The following ZNF652 variants were observed in gnomAD, a reference collection of about 807,000 sequenced individuals.
The protein encoded by ZNF652 is zinc finger protein 652.
A neutral mutation model predicts 45.2 loss-of-function variants in ZNF652; 16 were observed. The ratio of observed to expected loss-of-function variants is 0.35; its 90% CI spans 0.24 to 0.54. The LOEUF is 0.54. ZNF652 is among the 20% of genes least tolerant of loss of function. ZNF652 has a pLI of 0.91. For synonymous variants in ZNF652, 250 were observed against 260.6 expected (o/e 0.96, Z 0.39); for missense variants, 614 against 765.6 (o/e 0.80, Z 2.34).
At chr17:49,319,713 C>T (rs1374506692) in intron 1 of ZNF652, among the ~76,000 whole-genome samples, 11 of 149,712 alleles carry the variant, frequency 7.3e-5, no homozygotes, top group Non-Finnish European at 3.0e-5. Flanking sequence ...GCAATCATGG[C>T]TCACTGCAGC....
rs1224211964 is a variant in ZNF652, at chr17:49,289,730, T to A, written c.*8683A>T. Reference sequence around the variant, plus strand: ...ACTTCTTTGCAGCATGACAGCTGCCTGCCCTACACTGAGTCTACTTGACCT... The same window carrying A: ...ACTTCTTTGCAGCATGACAGCTGCCAGCCCTACACTGAGTCTACTTGACCT... On this transcript the variant is annotated 3_prime_UTR_variant, in exon 6 of 6. Coordinates refer to ENST00000430262, the MANE Select transcript of ZNF652 (RefSeq NM_001145365.3). The A allele has an allele frequency of 2.0e-5, 3 of 152,284 alleles. No homozygotes were observed. The highest frequency in any genetic ancestry group is 4.4e-5 in the Non-Finnish European group (3 of 68,060). The allele number at this position is 152,284 out of a possible 1,614,324, so 9.4% of individuals were successfully genotyped here. A position where few individuals can be genotyped will look rare whatever the true frequency, so the allele number is the denominator to read the frequency against.
At position 49,289,232 on chromosome 17, in the gene ZNF652, A is replaced by ATTTTTTTTTTATTTTT. The variant is rs2069372893; in HGVS notation, c.*9180_*9181insAAAAATAAAAAAAAAA. Reference sequence around the variant, plus strand: ...ATGGCTGCTTTTTTTTTTTTTTTTTACTTTGAACATTAGCATTAAGTTGGT... The same window carrying ATTTTTTTTTTATTTTT: ...ATGGCTGCTTTTTTTTTTTTTTTTTATTTTTTTTTTATTTTTCTTTGAACATTAGCATTAAGTTGGT... On this transcript the variant is annotated 3_prime_UTR_variant, in exon 6 of 6. Coordinates refer to ENST00000430262, the MANE Select transcript of ZNF652 (RefSeq NM_001145365.3). 7.6e-6 allele frequency: 1 copy of ATTTTTTTTTTATTTTT among 131,060 alleles called. No homozygotes were observed. The highest frequency in any genetic ancestry group is 1.6e-5 in the Non-Finnish European group (1 of 61,182). The allele number at this position is 131,060 out of a possible 1,614,324, so 8.1% of individuals were successfully genotyped here.
chr17:49,335,845 C>G (rs1039401445), intron 1 of ZNF652, among the ~76,000 whole-genome samples: 3 of 151,732 alleles, frequency 2.0e-5, no homozygotes, highest in African/African-American at 7.3e-5. Context: ...CTAAACACAA[C>G]ACAGAGTCCA....
chr17:49,312,065 T>G (rs1046306980), intron 3 of ZNF652, 23 bp from the exon 4 acceptor site: 1 of 1,570,392 alleles, frequency 6.4e-7, no homozygotes, highest in Admixed American at 1.7e-5. Context: ...ATGTACTTAG[T>G]GTCAAAACAA....
intron 1 of ZNF652, among the ~76,000 whole-genome samples, chr17:49,351,312 C>T (rs186826381): frequency 6.6e-5 from 10 of 151,730 alleles, no homozygotes; most frequent in African/African-American, 2.4e-4. Context: ...TTTTCCTAAC[C>T]GTGAAACGTG....
intron 1 of ZNF652, among the ~76,000 whole-genome samples, chr17:49,337,434 G>A (rs898761127): frequency 1.4e-4 from 22 of 152,032 alleles, no homozygotes; most frequent in African/African-American, 5.3e-4. Context: ...CTCAATAGAG[G>A]TTTTCTACAC....
chr17:49,358,049 T>C (rs979746691), intron 1 of ZNF652, among the ~76,000 whole-genome samples: 1 of 152,220 alleles, frequency 6.6e-6, no homozygotes, highest in Non-Finnish European at 1.5e-5. Flanking sequence ...CTAACATGTA[T>C]TGAGTCTCTA....
chr17:49,307,435 G>GAAAAAAA (rs1175854049), intron 5 of ZNF652, among the ~76,000 whole-genome samples: 4 of 40,476 alleles, frequency 9.9e-5, no homozygotes, highest in African/African-American at 9.6e-5. Context: ...TGTCTCAAAA[G>GAAAAAAA]AAAAAAAAAA....
At chr17:49,357,170 A>G (rs1268595226) in intron 1 of ZNF652, among the ~76,000 whole-genome samples, 1 of 151,988 alleles carries the variant, frequency 6.6e-6, no homozygotes, top group Non-Finnish European at 1.5e-5. Flanking sequence ...ATAATGGTGC[A>G]TGCCTGTAAT....
chr17:49,318,631 G>A (rs2069844383), intron 1 of ZNF652, among the ~76,000 whole-genome samples: 1 of 152,170 alleles, frequency 6.6e-6, no homozygotes, highest in Non-Finnish European at 1.5e-5. Flanking sequence ...GCAATATGCT[G>A]ATATGGCAAA....
chr17:49,315,020 C>A (rs557611366), intron 2 of ZNF652, among the ~76,000 whole-genome samples: 1 of 147,674 alleles, frequency 6.8e-6, no homozygotes, highest in South Asian at 2.2e-4. Context: ...CTGCACCCGG[C>A]CTTAGGGGAG....
At chr17:49,322,198 T>C (rs1294903536) in intron 1 of ZNF652, among the ~76,000 whole-genome samples, 2 of 152,204 alleles carry the variant, frequency 1.3e-5, no homozygotes, top group Non-Finnish European at 2.9e-5. Context: ...GTGAATTAAT[T>C]CAAATGCTAT....
downstream of ZNF652, among the ~76,000 whole-genome samples, chr17:49,288,926 C>T (rs181168279): frequency 2.6e-4 from 40 of 152,210 alleles, no homozygotes; most frequent in African/African-American, 9.2e-4. Context: ...GATTATTGCT[C>T]GGCTGAACAA....
intron 5 of ZNF652, among the ~76,000 whole-genome samples, chr17:49,307,807 G>C (rs1347521888): frequency 6.6e-6 from 1 of 151,936 alleles, no homozygotes; most frequent in East Asian, 1.9e-4. Context: ...TGTTGCAAAG[G>C]TTACATTAAT....
intron 5 of ZNF652, among the ~76,000 whole-genome samples, chr17:49,310,756 G>A (rs1173423629): frequency 6.6e-6 from 1 of 152,108 alleles, no homozygotes; most frequent in Non-Finnish European, 1.5e-5. Context: ...ACAAAAATTA[G>A]CCAGGTATGG....
intron 1 of ZNF652, among the ~76,000 whole-genome samples, chr17:49,343,547 T>C (rs1312349252): frequency 1.3e-5 from 2 of 151,924 alleles, no homozygotes; most frequent in African/African-American, 4.8e-5. Context: ...TCTTTCTTAA[T>C]CTAAAGGAAA....
intron 1 of ZNF652, among the ~76,000 whole-genome samples, chr17:49,319,799 A>G (rs2069864088): frequency 1.3e-5 from 2 of 152,028 alleles, no homozygotes; most frequent in South Asian, 2.1e-4. Flanking sequence ...GCACCACCAC[A>G]CCTGGCTAAT....
At chr17:49,328,830 G>A (rs998359384) in intron 1 of ZNF652, among the ~76,000 whole-genome samples, 2 of 152,156 alleles carry the variant, frequency 1.3e-5, no homozygotes, top group Non-Finnish European at 2.9e-5. Flanking sequence ...TAATACAAAT[G>A]CTGCTCCCAT....
intron 1 of ZNF652, among the ~76,000 whole-genome samples, chr17:49,330,509 G>C (rs747116782): frequency 2.0e-5 from 3 of 151,706 alleles, no homozygotes; most frequent in Non-Finnish European, 2.9e-5. Context: ...GTGCATGCCT[G>C]GCTAGTTTTT....
Sources: allele counts gnomAD v4.1 joint callset (sites outside exome capture counted in the v4.1 genomes callset), GRCh38; gene constraint gnomAD v4.1.1; transcripts MANE v1.5; gene names NCBI Gene and HGNC (gene_info 2026-07-23, HGNC 2026-07-21).